HERC1: variants seen among roughly 807,000 people sequenced by gnomAD.
HERC1 encodes probable E3 ubiquitin-protein ligase HERC1.
A neutral mutation model predicts 554.3 loss-of-function variants in HERC1; 160 were observed. That is an observed-to-expected ratio of 0.29 (90% CI 0.25 to 0.33). The LOEUF (loss-of-function observed/expected upper bound fraction) is 0.33. Ranked by LOEUF, HERC1 falls within the 10% of genes least tolerant of loss-of-function variation. The pLI, the probability that HERC1 is intolerant of heterozygous loss-of-function variation, is 1.00. For missense variants in HERC1, 4,919 were observed against 5,918.5 expected (o/e 0.83, Z 5.54); for synonymous variants, 2,175 against 2,131.7 (o/e 1.02, Z -0.56).
At position 63,669,667 on chromosome 15, in the gene HERC1, C is replaced by T; in HGVS notation, c.8077G>A (p.Val2693Ile). Residue 2693 changes from valine to isoleucine, a missense_variant, in exon 40 of 78, where the codon GTA becomes ATA. Coordinates refer to ENST00000443617, the MANE Select transcript of HERC1 (RefSeq NM_003922.4). ...GTCTGTGCCCGACGTGTGGGAAGTA[C>T]AGTGGTAGTTGGGTAACTAGAGAAC... ...QMFSSYPTTT[V>I]LPTRRAQTPP... 1 of 1,613,868 alleles carries T rather than the reference C, an allele frequency of 6.2e-7. No homozygotes were observed. The highest frequency in any genetic ancestry group is 8.5e-7 in the Non-Finnish European group (1 of 1,179,794).
intron 19 of HERC1, among the ~76,000 whole-genome samples, chr15:63,720,979 T>A (rs1007016939): frequency 6.6e-6 from 1 of 152,190 alleles, no homozygotes; most frequent in African/African-American, 2.4e-5. Flanking sequence ...ATGCTTACAG[T>A]GTATAAGCAA....
At chr15:63,791,634 G>C (rs559149479) in intron 1 of HERC1, among the ~76,000 whole-genome samples, 21 of 152,034 alleles carry the variant, frequency 1.4e-4, no homozygotes, top group African/African-American at 4.8e-4. Flanking sequence ...ACAATTCTTC[G>C]AGGGAGTTCA....
chr15:63,728,480 A>C (rs2074127102), intron 16 of HERC1, among the ~76,000 whole-genome samples: 1 of 152,192 alleles, frequency 6.6e-6, no homozygotes, highest in African/African-American at 2.4e-5. Context: ...TCTAATGAGG[A>C]AAGGTTTCAG....
At chr15:63,636,242 T>C in intron 64 of HERC1, 100 bp from the exon 65 acceptor site, 1 of 943,660 alleles carries the variant, frequency 1.1e-6, no homozygotes, top group Non-Finnish European at 1.6e-6. Context: ...ACCACCGAAT[T>C]GGTACTATGA....
At chr15:63,829,309 G>A (rs577448223) in intron 1 of HERC1, among the ~76,000 whole-genome samples, 258 of 151,570 alleles carry the variant, frequency 1.7e-3, no homozygotes, top group Middle Eastern at 0.01. Flanking sequence ...TGTAGTCCCA[G>A]CTACTTGGGA....
intron 51 of HERC1, 113 bp downstream of exon 51, chr15:63,654,006 G>A (rs374369254): frequency 4.9e-5 from 38 of 776,488 alleles, no homozygotes; most frequent in East Asian, 7.4e-5. Flanking sequence ...ATGTGTACGT[G>A]TGAAAGAGAG....
chr15:63,716,495 T>TACA lies in HERC1; in HGVS notation c.3979-25_3979-23dup, dbSNP rs754714363. On this transcript the variant is annotated intron_variant, in intron 21 of 77. Transcript: ENST00000443617. Reference sequence around the variant, plus strand: ...ATATCTTAAAGAAATTATCAGAAACTACACTAAATACATTTTTTCCAAAAT... The same window carrying TACA: ...ATATCTTAAAGAAATTATCAGAAACTACAACACTAAATACATTTTTTCCAAAAT... 3 of 1,535,550 alleles carry TACA rather than the reference T, an allele frequency of 2.0e-6. No homozygotes were observed. The East Asian group carries it at 6.9e-5, about 35-fold the overall frequency.
intron 1 of HERC1, among the ~76,000 whole-genome samples, chr15:63,782,966 T>C (rs142165873): frequency 0.013 from 2,017 of 152,326 alleles, 23 homozygotes; most frequent in East Asian, 0.023. Flanking sequence ...AATCTCATGA[T>C]AAAATTTTAA....
intron 61 of HERC1, among the ~76,000 whole-genome samples, chr15:63,639,643 T>C (rs1324452239): frequency 2.6e-5 from 4 of 152,260 alleles, no homozygotes; most frequent in Non-Finnish European, 5.9e-5. Context: ...TTAGATCATG[T>C]GCTGTCCTGT....
intron 36 of HERC1, among the ~76,000 whole-genome samples, chr15:63,678,571 C>T (rs1316620485): frequency 1.3e-5 from 2 of 152,036 alleles, no homozygotes; most frequent in African/African-American, 4.8e-5. Context: ...ATAAGCTGCC[C>T]TGTTATTTAC....
chr15:63,686,220 C>T (rs1026082379), intron 34 of HERC1, 139 bp downstream of exon 34: 9 of 596,940 alleles, frequency 1.5e-5, no homozygotes, highest in East Asian at 5.8e-5. Flanking sequence ...ACTTGGTTTC[C>T]ATTTATATTA....
rs748869376 is a variant in HERC1 at position 63,638,583 on chromosome 15, A to G, written c.11968-47T>C. ...AAAATTAGAGTCATCCATTCACTCA[A>G]ACAGCCATGTACTACGTACCAAGTG... On this transcript the variant is annotated intron_variant, in intron 62 of 77. Coordinates refer to ENST00000443617, the MANE Select transcript of HERC1 (RefSeq NM_003922.4). The G allele has an allele frequency of 3.7e-6, 6 of 1,613,356 alleles. No individual in the cohort carries two copies. The East Asian group carries it at 1.3e-4, about 36-fold the overall frequency.
At chr15:63,782,748 A>G (rs536642791) in intron 1 of HERC1, among the ~76,000 whole-genome samples, 2 of 152,226 alleles carry the variant, frequency 1.3e-5, no homozygotes, top group Non-Finnish European at 2.9e-5. Flanking sequence ...AGGATTCACC[A>G]TTGTAGATGC....
chr15:63,616,314 G>C lies in HERC1; in HGVS notation c.13941+116C>G. On this transcript the variant is annotated intron_variant, in intron 75 of 77. Coordinates refer to ENST00000443617, the MANE Select transcript of HERC1 (RefSeq NM_003922.4). ...TAAGGGCAGCAATGGCATAGATATGGCATTGTTCAGCCAGACAGCAAGTGG... is the reference window on the plus strand; with the variant it reads ...TAAGGGCAGCAATGGCATAGATATGCCATTGTTCAGCCAGACAGCAAGTGG... The C allele has an allele frequency of 8.4e-6, 9 of 1,074,030 alleles. No individual in the cohort carries two copies. In the South Asian group the frequency reaches 1.2e-4, roughly 14 times the overall value. 66.5% of individuals were successfully genotyped at this position (1,074,030 alleles called of 1,614,324 possible).
chr15:63,615,683 T>G (rs1012441754), intron 76 of HERC1, 85 bp downstream of exon 76: 8 of 972,934 alleles, frequency 8.2e-6, no homozygotes, highest in Middle Eastern at 2.2e-4. Context: ...AAATACATAT[T>G]AGCAGATTTT....
intron 12 of HERC1, among the ~76,000 whole-genome samples, chr15:63,745,028 G>A (rs527373012): frequency 6.6e-6 from 1 of 152,268 alleles, no homozygotes; most frequent in South Asian, 2.1e-4. Context: ...CTGGCCTGGG[G>A]CATGTCTAGA....
At chr15:63,700,696 G>A (rs550349017) in intron 25 of HERC1, among the ~76,000 whole-genome samples, 3 of 127,220 alleles carry the variant, frequency 2.4e-5, no homozygotes, top group South Asian at 2.6e-4. Context: ...GTGACAGGGC[G>A]AGACCCTGCC....
At position 63,677,578 on chromosome 15, in the gene HERC1, T is replaced by C. The variant is rs2071273168; in HGVS notation, c.7070+267A>G. 6.6e-6 allele frequency among the ~76,000 whole-genome samples: 1 copy of C among 152,076 alleles called. No individual in the cohort carries two copies. On this transcript the variant is annotated intron_variant, in intron 37 of 77. Coordinates refer to ENST00000443617, the MANE Select transcript of HERC1 (RefSeq NM_003922.4). This position sits in a 1 kb window ranked among gnomAD's most constrained non-coding sequence, Gnocchi z 4.4. ...GGAAGAAGAATCCCAGTTAAACATA[T>C]AAACTAAGGAGCTTACCATTTTTTC...
Position 63,690,573 on chromosome 15 carries a change from C to T in HERC1, c.5905G>A (p.Glu1969Lys). ...ATTTGATCATCTTCTACACCAGATTCACAAGCTGGCAGCACAGCTTCAAGG... is the reference window on the plus strand; with the variant it reads ...ATTTGATCATCTTCTACACCAGATTTACAAGCTGGCAGCACAGCTTCAAGG... ...HVLEAVLPAC[E>K]SGVEDDQMAQ... Residue 1969 changes from glutamate to lysine, a missense_variant, in exon 32 of 78, where the codon GAA (glutamate) becomes AAA (lysine). Around this residue, in one of 11 missense-constraint regions of HERC1, gnomAD observed 1,121 missense variants for 1,244.0 expected, o/e 0.90. Coordinates refer to ENST00000443617, the MANE Select transcript of HERC1 (RefSeq NM_003922.4). 1 of 1,612,876 alleles carries T rather than the reference C, an allele frequency of 6.2e-7. No homozygotes were observed. Among genetic ancestry groups the T allele is most frequent in the Non-Finnish European group, 8.5e-7 (1 of 1,179,112 alleles).
Sources: gnomAD v4.1 joint callset for allele counts (sites outside exome capture counted in the v4.1 genomes callset) on GRCh38, gnomAD v4.1.1 for gene constraint, gnomAD v4.1.1 regional missense constraint, Gnocchi (gnomAD v3.1) non-coding constraint, MANE v1.5 for transcripts, NCBI Gene and HGNC (gene_info 2026-07-23, HGNC 2026-07-21) for gene names.